The following CTNNA2 variants were observed in gnomAD, a reference collection of about 807,000 sequenced individuals.
The protein encoded by CTNNA2 is catenin alpha 2.
In CTNNA2, 42 loss-of-function variants were observed where a neutral mutation model predicts 101.0. That is an observed-to-expected ratio of 0.42 (90% confidence interval 0.32 to 0.54). The LOEUF is 0.54. Ranked by LOEUF, CTNNA2 falls within the 20% of genes least tolerant of loss-of-function variation. The pLI is 0.14. For synonymous variants in CTNNA2, 450 were observed against 456.4 expected, an observed-to-expected ratio of 0.99 and a Z score of 0.18; for missense variants, 871 against 1,223.1, an observed-to-expected ratio of 0.71 and a Z score of 4.29.
intron 7 of CTNNA2, among the ~76,000 whole-genome samples, chr2:80,308,580 G>A (rs1002759003): frequency 6.6e-6 from 1 of 152,074 alleles, no homozygotes; most frequent in South Asian, 2.1e-4. Context: ...CTGAGGGTGG[G>A]GGCCCCAAGG....
chr2:80,603,172 C>T (rs1044727092), intron 15 of CTNNA2, among the ~76,000 whole-genome samples: 1 of 151,962 alleles, frequency 6.6e-6, no homozygotes, highest in East Asian at 1.9e-4. Flanking sequence ...GGTTAATTAA[C>T]GATGCTAAAA....
rs570011503 is a variant in CTNNA2, at chr2:79,528,354, G to A, written c.-6+15147G>A. On this transcript the variant is annotated intron_variant, in intron 1 of 18. Transcript: ENST00000402739. ...GGTCTCCACAGTAGCTGGGATTATA[G>A]GGGTATGCCACCATGCTTGGCTGAT... Among the ~76,000 whole-genome samples the A allele has an allele frequency of 7.2e-5, 11 of 152,018 alleles. No individual in the cohort carries two copies. In the South Asian group the frequency reaches 1.2e-3, roughly 17 times the overall value.
chr2:79,673,294 T>C (rs747467117), intron 2 of CTNNA2, among the ~76,000 whole-genome samples: 42 of 152,132 alleles, frequency 2.8e-4, no homozygotes, highest in Non-Finnish European at 4.1e-4. Context: ...TAAAAACTTT[T>C]AGGTTTTTCT....
intron 2 of CTNNA2, among the ~76,000 whole-genome samples, chr2:79,284,086 T>C (rs1675482040): frequency 6.3e-4 from 4 of 6,390 alleles, no homozygotes; most frequent in South Asian, 7.9e-3. Context: ...ATAAGAATGC[T>C]TGTGATTTTT....
intron 1 of CTNNA2, among the ~76,000 whole-genome samples, chr2:79,186,167 C>A (rs974204408): frequency 6.6e-6 from 1 of 152,170 alleles, no homozygotes; most frequent in African/African-American, 2.4e-5. Flanking sequence ...GAGGTATCTG[C>A]TTAAAACTCA....
intron 1 of CTNNA2, among the ~76,000 whole-genome samples, chr2:79,561,978 T>G (rs1243898542): frequency 6.6e-6 from 1 of 151,984 alleles, no homozygotes; most frequent in East Asian, 1.9e-4. Flanking sequence ...TCAAATGTAT[T>G]TGTTTTTATT....
intron 9 of CTNNA2, among the ~76,000 whole-genome samples, chr2:80,504,789 C>A (rs2149539127): frequency 6.6e-6 from 1 of 152,340 alleles, no homozygotes; most frequent in South Asian, 2.1e-4. Context: ...AGGGTCAATT[C>A]ATAATGAATA....
chr2:79,855,482 C>CTGGCAAGACCTGTCTT (rs1279273475), intron 3 of CTNNA2, among the ~76,000 whole-genome samples: 3 of 152,218 alleles, frequency 2.0e-5, no homozygotes, highest in Non-Finnish European at 4.4e-5. Flanking sequence ...GCCCCTCGTT[C>CTGGCAAGACCTGTCTT]TGGCAAGACC....
chr2:79,236,182 G>C (rs1037249091), intron 2 of CTNNA2, among the ~76,000 whole-genome samples: 3 of 152,118 alleles, frequency 2.0e-5, no homozygotes, highest in Non-Finnish European at 4.4e-5. Context: ...GTCCAGTCTG[G>C]GGTATAATGG....
chr2:80,201,357 CTTTTTCTTTCTTTTTTTTTT>C (rs1369466033), intron 7 of CTNNA2, among the ~76,000 whole-genome samples: 1 of 121,946 alleles, frequency 8.2e-6, no homozygotes, highest in African/African-American at 3.2e-5. Context: ...CACAATATTT[CTTTTTCTTTCTTTTTTTTTT>C]TTTTTTTTTT....
chr2:79,417,620 C>A (rs924991257), intron 4 of CTNNA2, among the ~76,000 whole-genome samples: 7 of 152,152 alleles, frequency 4.6e-5, no homozygotes, highest in Admixed American at 1.3e-4. Context: ...AACTGAAATT[C>A]TCTCTTCAGA....
chr2:80,377,265 A>T (rs895344312), intron 7 of CTNNA2, among the ~76,000 whole-genome samples: 12 of 152,236 alleles, frequency 7.9e-5, no homozygotes, highest in African/African-American at 2.7e-4. Flanking sequence ...TCTTCCATTT[A>T]TCCATAGTTC....
At chr2:79,185,957 G>A (rs1019660228) in intron 1 of CTNNA2, among the ~76,000 whole-genome samples, 17 of 152,168 alleles carry the variant, frequency 1.1e-4, no homozygotes, top group African/African-American at 3.9e-4. Context: ...CAGCACACCA[G>A]CAGCTGCATG....
intron 3 of CTNNA2, among the ~76,000 whole-genome samples, chr2:79,815,305 T>C (rs908157909): frequency 6.6e-6 from 1 of 152,216 alleles, no homozygotes; most frequent in Non-Finnish European, 1.5e-5. Flanking sequence ...TTTGTTTTTA[T>C]TGCATTTGCT....
At chr2:80,162,494 C>A in intron 7 of CTNNA2, 1 of 1,602,932 alleles carries the variant, frequency 6.2e-7, no homozygotes, top group Non-Finnish European at 8.5e-7. Context: ...ACTGTCTCTT[C>A]TGTTATCATA....
intron 4 of CTNNA2, among the ~76,000 whole-genome samples, chr2:79,866,078 T>A (rs1396654805): frequency 1.3e-5 from 2 of 152,218 alleles, no homozygotes; most frequent in African/African-American, 4.8e-5. Context: ...GACACTGATT[T>A]AATGACTATC....
intron 2 of CTNNA2, among the ~76,000 whole-genome samples, chr2:79,307,279 T>C (rs568132212): frequency 1.3e-5 from 2 of 152,328 alleles, no homozygotes; most frequent in East Asian, 3.9e-4. Context: ...TGAAATTATA[T>C]CAGATATTAT....
At chr2:79,785,594 A>G (rs1573964496) in intron 3 of CTNNA2, among the ~76,000 whole-genome samples, 1 of 152,114 alleles carries the variant, frequency 6.6e-6, no homozygotes. Flanking sequence ...CTGTATTTAT[A>G]ATTTGTTATT....
At chr2:79,364,802 G>T (rs1417394405) in intron 3 of CTNNA2, among the ~76,000 whole-genome samples, 4 of 152,090 alleles carry the variant, frequency 2.6e-5, no homozygotes, top group African/African-American at 7.2e-5. Flanking sequence ...TGTAAAAAGG[G>T]GTAAGGGGTA....
Sources: allele counts gnomAD v4.1 joint callset (sites outside exome capture counted in the v4.1 genomes callset), GRCh38; gene constraint gnomAD v4.1.1; transcripts MANE v1.5; gene names NCBI Gene and HGNC (gene_info 2026-07-23, HGNC 2026-07-21).